Variants in BRINP1 observed in about 807,000 individuals in gnomAD.
The protein encoded by BRINP1 is BMP/retinoic acid-inducible neural-specific protein 1.
A neutral mutation model predicts 72.9 loss-of-function variants in BRINP1; 17 were observed. The ratio of observed to expected loss-of-function variants is 0.23; its 90% CI spans 0.16 to 0.35. The LOEUF is 0.35. BRINP1 is among the 10% of genes least tolerant of loss of function. The pLI is 1.00. For synonymous variants in BRINP1, 418 were observed against 378.5 expected, an observed-to-expected ratio of 1.10 and a Z score of -1.21; for missense variants, 850 against 1,001.6, an observed-to-expected ratio of 0.85 and a Z score of 2.04.
rs1039244974 is a variant in BRINP1 at position 119,345,868 on chromosome 9, G to T, written c.-51+23188C>A. Among the ~76,000 whole-genome samples the T allele has an allele frequency of 6.6e-5, 10 of 151,804 alleles. 1 individual carries two copies. Among genetic ancestry groups the T allele is most frequent in the Non-Finnish European group, 1.3e-4 (9 of 67,954 alleles). ...AAATTCACAGCAACTCTATGAGGTG[G>T]TTTTTTTTGTTTTGTTTTGTTTTTT... On this transcript the variant is annotated intron_variant, in intron 1 of 7. Coordinates refer to ENST00000265922, the MANE Select transcript of BRINP1 (RefSeq NM_014618.3).
intron 5 of BRINP1, among the ~76,000 whole-genome samples, chr9:119,230,664 C>T (rs1830140233): frequency 1.3e-5 from 2 of 150,332 alleles, no homozygotes; most frequent in Non-Finnish European, 3.0e-5. Context: ...AGGTTTCAAG[C>T]AGAGATAGAA....
chr9:119,326,031 T>C (rs1043729844), intron 1 of BRINP1, among the ~76,000 whole-genome samples: 1 of 152,220 alleles, frequency 6.6e-6, no homozygotes, highest in Non-Finnish European at 1.5e-5. Context: ...TGAAAGATTA[T>C]TGAGCATGTA....
chr9:119,268,288 ATAG>A (rs1347594107), intron 2 of BRINP1, among the ~76,000 whole-genome samples: 2 of 152,018 alleles, frequency 1.3e-5, no homozygotes, highest in African/African-American at 4.8e-5. Flanking sequence ...AGATAGATAG[ATAG>A]ATAGATAGAT....
At chr9:119,304,404 C>T (rs1830973781) in intron 2 of BRINP1, among the ~76,000 whole-genome samples, 1 of 152,120 alleles carries the variant, frequency 6.6e-6, no homozygotes, top group Non-Finnish European at 1.5e-5. Context: ...TACACACTAA[C>T]TTGAGGCTGG....
intron 1 of BRINP1, among the ~76,000 whole-genome samples, chr9:119,366,971 C>T (rs1424124745): frequency 6.6e-6 from 1 of 151,794 alleles, no homozygotes; most frequent in Non-Finnish European, 1.5e-5. Flanking sequence ...TGGGTCTCCT[C>T]CTTGGCCCTA....
chr9:119,299,308 T>G (rs1830915017), intron 2 of BRINP1, among the ~76,000 whole-genome samples: 1 of 152,160 alleles, frequency 6.6e-6, no homozygotes. Flanking sequence ...TTATTTAGTT[T>G]CCACATATAA....
chr9:119,329,100 C>T (rs1211162891), intron 1 of BRINP1, among the ~76,000 whole-genome samples: 2 of 152,202 alleles, frequency 1.3e-5, no homozygotes, highest in Non-Finnish European at 2.9e-5. Flanking sequence ...GCTCAAGATA[C>T]AGCGACTCAA....
chr9:119,364,747 G>C (rs917273572), intron 1 of BRINP1, among the ~76,000 whole-genome samples: 1 of 152,206 alleles, frequency 6.6e-6, no homozygotes, highest in African/African-American at 2.4e-5. Context: ...GTCCCACTGG[G>C]TGGAAAGAAC....
intron 1 of BRINP1, among the ~76,000 whole-genome samples, chr9:119,357,269 G>GTA (rs1424818556): frequency 2.6e-5 from 4 of 152,184 alleles, no homozygotes; most frequent in Non-Finnish European, 5.9e-5. Context: ...GTGTGTGTGT[G>GTA]TATAAGTGAA....
chr9:119,269,863 A>AC (rs1830590766), intron 2 of BRINP1, among the ~76,000 whole-genome samples: 1 of 31,072 alleles, frequency 3.2e-5, no homozygotes, highest in Non-Finnish European at 1.0e-4. Flanking sequence ...ACATTAATAA[A>AC]AAAAAATTCA....
chr9:119,237,346 CATTATTATTATTATT>C (rs34106507), intron 5 of BRINP1, among the ~76,000 whole-genome samples: 1 of 145,044 alleles, frequency 6.9e-6, no homozygotes, highest in Admixed American at 6.8e-5. Context: ...TTTCTTGCTA[CATTATTATTATTATT>C]ATTATTATTA....
intron 3 of BRINP1, among the ~76,000 whole-genome samples, chr9:119,246,308 C>A (rs1436724425): frequency 1.3e-5 from 2 of 152,126 alleles, no homozygotes; most frequent in African/African-American, 4.8e-5. Context: ...GCAGACCCAC[C>A]CATCATCTGT....
chr9:119,193,704 T>C (rs1829704965), intron 7 of BRINP1, among the ~76,000 whole-genome samples: 1 of 152,188 alleles, frequency 6.6e-6, no homozygotes, highest in East Asian at 1.9e-4. Context: ...AATAAAGTGC[T>C]TGCAAAAAAA....
At chr9:119,333,636 T>A (rs1360054662) in intron 1 of BRINP1, among the ~76,000 whole-genome samples, 2 of 152,002 alleles carry the variant, frequency 1.3e-5, no homozygotes, top group South Asian at 2.1e-4. Flanking sequence ...TGGCCTATAT[T>A]TGGAGTAGGA....
chr9:119,198,410 C>A (rs182477835), intron 7 of BRINP1, among the ~76,000 whole-genome samples: 1 of 152,118 alleles, frequency 6.6e-6, no homozygotes, highest in East Asian at 1.9e-4. Context: ...AAAATTGAAG[C>A]CTGAATGCCT....
At chr9:119,227,192 T>C (rs1031059364) in intron 5 of BRINP1, among the ~76,000 whole-genome samples, 26 of 152,082 alleles carry the variant, frequency 1.7e-4, no homozygotes, top group African/African-American at 6.3e-4. Flanking sequence ...AGCTCTGAGA[T>C]ACATGTGTTC....
chr9:119,338,855 A>C (rs1451784874), intron 1 of BRINP1, among the ~76,000 whole-genome samples: 1 of 151,638 alleles, frequency 6.6e-6, no homozygotes, highest in East Asian at 1.9e-4. Context: ...ACCGCACTCC[A>C]GCCCTGGCGA....
chr9:119,326,079 T>C (rs1288786911), intron 1 of BRINP1, among the ~76,000 whole-genome samples: 1 of 152,210 alleles, frequency 6.6e-6, no homozygotes, highest in Non-Finnish European at 1.5e-5. Context: ...TCATGCCCAA[T>C]AGCATTAAAT....
intron 5 of BRINP1, among the ~76,000 whole-genome samples, chr9:119,218,400 C>T (rs1198037366): frequency 3.3e-5 from 5 of 151,856 alleles, no homozygotes; most frequent in Non-Finnish European, 5.9e-5. Context: ...GCCTCGGCCT[C>T]CCAAAGTGCT....
Sources: gnomAD v4.1 joint callset for allele counts (sites outside exome capture counted in the v4.1 genomes callset) on GRCh38, gnomAD v4.1.1 for gene constraint, MANE v1.5 for transcripts, NCBI Gene and HGNC (gene_info 2026-07-23, HGNC 2026-07-21) for gene names.